The following CLDN7 variants were observed in gnomAD, a reference collection of about 807,000 sequenced individuals.
CLDN7 encodes claudin 7.
CLDN7 carries 15 observed loss-of-function variants against 20.3 expected under a neutral mutation model. That is an observed-to-expected ratio of 0.74 (90% confidence interval 0.49 to 1.14). The LOEUF (loss-of-function observed/expected upper bound fraction) is 1.14, where lower values mean the gene tolerates loss of function less well. CLDN7 is among the 50% of genes most tolerant of loss of function. CLDN7 has a pLI of 0.00. For synonymous variants in CLDN7, 117 were observed against 106.1 expected, an observed-to-expected ratio of 1.10 and a Z score of -0.63; for missense variants, 261 against 274.2, an observed-to-expected ratio of 0.95 and a Z score of 0.34.
rs761455420 is a variant in CLDN7 at position 7,260,892 on chromosome 17, C to A, written c.317G>T (p.Arg106Leu). Residue 106 changes from arginine to leucine, a missense_variant, in exon 2 of 4, where the codon CGC becomes CTC. Physicochemically the swap from Arg to Leu is moderately radical, Grantham distance 102. Around this residue, in one of 2 missense-constraint regions of CLDN7, gnomAD observed 215 missense variants for 199.6 expected, o/e 1.08. Transcript: ENST00000360325. ...FVATMGMKCT[R>L]CGGDDKVKKA... ...CTTCACTTTGTCGTCTCCCCCACAG[C>A]GCGTGCACTTCATGCCCATCGTGGC... is the stretch of plus-strand genomic sequence containing the variant. 8.7e-6 allele frequency: 14 copies of A among 1,614,106 alleles called. No homozygotes were observed. The highest frequency in any genetic ancestry group is 1.2e-5 in the Non-Finnish European group (14 of 1,180,046).
At chr17:7,261,763 GCGCCACCC>G (rs1003509778) in intron 1 of CLDN7, 50 bp downstream of exon 1, 11 of 1,548,794 alleles carry the variant, frequency 7.1e-6, no homozygotes, top group Non-Finnish European at 7.9e-6. Context: ...TCTCCCACGC[GCGCCACCC>G]CGCCACCTCG....
Position 7,262,461 on chromosome 17 carries a change from G to A in CLDN7, c.-418C>T. On this transcript the variant is annotated 5_prime_UTR_variant, in exon 1 of 4. Transcript: ENST00000360325. This position sits in a 1 kb window ranked among gnomAD's most constrained non-coding sequence, Gnocchi z 6.6. Reference sequence around the variant, plus strand: ...TGCGCAGCAGAGGTGGCTCGGAGGTGAGCCAGCAGGTGCGGGCGGACAGGT... The same window carrying A: ...TGCGCAGCAGAGGTGGCTCGGAGGTAAGCCAGCAGGTGCGGGCGGACAGGT... 1 of 996,716 alleles carries A rather than the reference G, an allele frequency of 1.0e-6. No homozygotes were observed. The highest frequency in any genetic ancestry group is 1.2e-6 in the Non-Finnish European group (1 of 828,826). The allele number at this position is 996,716 out of a possible 1,614,324, so 61.7% of individuals were successfully genotyped here. A position where few individuals can be genotyped will look rare whatever the true frequency, so the allele number is the denominator to read the frequency against.
Position 7,261,855 on chromosome 17 carries a change from G to A in CLDN7, c.189C>T (p.Ser63=), listed in dbSNP as rs1466522162. ...DCVTQSTGMM[S]CKMYDSVLAL... is the part of the protein sequence containing the mutation. ...CGAGCACCGAGTCGTACATTTTGCA[G>A]CTCATCATCCCCGTGCTCTGCGTGA... Residue 63 remains serine (S), a synonymous_variant, in exon 1 of 4, where the codon AGC becomes AGT. Coordinates refer to ENST00000360325, the MANE Select transcript of CLDN7 (RefSeq NM_001307.6). 5 of 1,613,886 alleles carry A rather than the reference G, an allele frequency of 3.1e-6. No individual in the cohort carries two copies. The highest frequency in any genetic ancestry group is 4.5e-5 in the East Asian group (2 of 44,892).
rs569618349 is a variant in CLDN7, at chr17:7,261,864, C to T, written c.180G>A (p.Gly60=). The T allele has an allele frequency of 1.8e-4, 295 of 1,614,126 alleles. 6 individuals carry two copies. The South Asian group carries it at 3.1e-3, about 17-fold the overall frequency. The part of the protein sequence containing the change: ...LWMDCVTQST[G]MMSCKMYDSV... Reference sequence around the variant, plus strand: ...AGTCGTACATTTTGCAGCTCATCATCCCCGTGCTCTGCGTGACGCAGTCCA... The same window carrying T: ...AGTCGTACATTTTGCAGCTCATCATTCCCGTGCTCTGCGTGACGCAGTCCA... Residue 60 remains glycine, a synonymous_variant, in exon 1 of 4, where the codon GGG becomes GGA. Transcript: ENST00000360325.
rs1358832628 is a variant in CLDN7 at position 7,260,153 on chromosome 17, T to G, written c.*221A>C. 3.3e-5 allele frequency: 15 copies of G among 450,774 alleles called. No individual in the cohort carries two copies. The highest frequency in any genetic ancestry group is 5.8e-5 in the Non-Finnish European group (15 of 256,950). 27.9% of individuals were successfully genotyped at this position (450,774 alleles called of 1,614,324 possible). ...AAAAAGCCTGCTTCCCAATACTTAT[T>G]TTTTATTACTGTACAAAAAGCACAC... On this transcript the variant is annotated 3_prime_UTR_variant, in exon 4 of 4. Coordinates refer to ENST00000360325, the MANE Select transcript of CLDN7 (RefSeq NM_001307.6).
At chr17:7,261,186 C>A in intron 1 of CLDN7, 4 of 668,310 alleles carry the variant, frequency 6.0e-6, no homozygotes, top group Non-Finnish European at 9.9e-6. Context: ...CTTCCTGCTC[C>A]CGCCCCGCCC....
chr17:7,261,896 GC>G lies in CLDN7; in HGVS notation c.147del (p.Leu50CysfsTer12). ...NIITAQAMYK[G>X]LWMDCVTQST... ...CTCTGCGTGACGCAGTCCATCCACA[GC>G]CCCTTGTACATGGCCTGGGCCGTGA... On this transcript the variant is annotated frameshift_variant, in exon 1 of 4. Transcript: ENST00000360325. LOFTEE classifies it high-confidence loss of function. The G allele has an allele frequency of 6.2e-7, 1 of 1,614,172 alleles. No individual in the cohort carries two copies. The highest frequency in any genetic ancestry group is 8.5e-7 in the Non-Finnish European group (1 of 1,180,052).
rs754006543 is a variant in CLDN7, at chr17:7,260,857, T to C, written c.352A>G (p.Ile118Val). 1.9e-6 allele frequency: 3 copies of C among 1,614,274 alleles called. No homozygotes were observed. The highest frequency in any genetic ancestry group is 1.7e-5 in the Admixed American group (1 of 60,036). ...AAAATTATGCCTCCACCCATGGCTA[T>C]ACGGGCCTTCTTCACTTTGTCGTCT... ...GGDDKVKKARIAMGGGIIFIV... is the reference protein window; with the variant it reads ...GGDDKVKKARVAMGGGIIFIV... Residue 118 changes from isoleucine (I) to valine (V), a missense_variant, in exon 2 of 4, where the codon ATA (isoleucine) becomes GTA (valine). Ile to Val is a conservative substitution (Grantham distance 29). This residue lies in a region of CLDN7 where 215 missense variants were observed against 199.6 expected (regional missense o/e 1.08). Transcript: ENST00000360325.
rs778866641 is a variant in CLDN7 at position 7,262,053 on chromosome 17, C to G, written c.-10G>C. 5 of 1,594,352 alleles carry G rather than the reference C, an allele frequency of 3.1e-6. No homozygotes were observed. The highest frequency in any genetic ancestry group is 4.3e-6 in the Non-Finnish European group (5 of 1,173,202). ...GGCCCGAATTGGCCATTTCCGCCCT[C>G]AGAAAACACTGGGGGCGCCGGGCGG... On this transcript the variant is annotated 5_prime_UTR_variant, in exon 1 of 4. Transcript: ENST00000360325. The surrounding 1 kb of genome is among the most constrained non-coding windows in gnomAD (Gnocchi z 6.6).
At position 7,262,101 on chromosome 17, in the gene CLDN7, C is replaced by T; in HGVS notation, c.-58G>A. The T allele has an allele frequency of 3.2e-6, 5 of 1,547,058 alleles. No individual in the cohort carries two copies. Among genetic ancestry groups the T allele is most frequent in the Non-Finnish European group, 3.5e-6 (4 of 1,145,028 alleles). ...CGGGGAGACCCTACAGTAAAACAAA[C>T]GACACTTGGGGGGCAGCCCCACAAA... is the stretch of plus-strand genomic sequence containing the variant. On this transcript the variant is annotated 5_prime_UTR_variant, in exon 1 of 4. Transcript: ENST00000360325. This position sits in a 1 kb window ranked among gnomAD's most constrained non-coding sequence, Gnocchi z 6.6.
intron 3 of CLDN7, 38 bp from the exon 4 acceptor site, chr17:7,260,574 C>T: frequency 1.2e-6 from 2 of 1,612,466 alleles, no homozygotes; most frequent in South Asian, 1.1e-5. Flanking sequence ...CCCTGGCGTG[C>T]CTCTGCCCTC....
Position 7,260,086 on chromosome 17 carries a change from T to C in CLDN7, c.*288A>G. 2.9e-6 allele frequency: 1 copy of C among 339,298 alleles called. No homozygotes were observed. Among genetic ancestry groups the C allele is most frequent in the Admixed American group, 4.4e-5 (1 of 22,536 alleles). 21.0% of individuals were successfully genotyped at this position (339,298 alleles called of 1,614,324 possible). ...AGGTGCACTAAGGTTCCAAGCTCCC[T>C]GCAAGGATCTGGACGGGAGGAAAGC... is the stretch of plus-strand genomic sequence containing the variant. On this transcript the variant is annotated 3_prime_UTR_variant, in exon 4 of 4. Transcript: ENST00000360325.
At chr17:7,261,127 C>G (rs2072207224) in intron 1 of CLDN7, 142 bp from the exon 2 acceptor site, 3 of 1,173,068 alleles carry the variant, frequency 2.6e-6, no homozygotes, top group South Asian at 1.6e-5. Context: ...CCCAGGTGTC[C>G]AAGACCTGGG....
upstream of CLDN7, chr17:7,262,516 G>T: frequency 1.6e-6 from 1 of 625,154 alleles, no homozygotes; most frequent in Non-Finnish European, 2.0e-6. The surrounding 1 kb of genome is among the most constrained non-coding windows in gnomAD (Gnocchi z 6.6). Context: ...GTAGGGCGTC[G>T]GGGGCGCGGC....
In CLDN7 at chr17:7,261,773, G is replaced by A. The variant is rs766692346; in HGVS notation, c.223+48C>T. 7.3e-6 allele frequency: 11 copies of A among 1,508,282 alleles called. No individual in the cohort carries two copies. In the Middle Eastern group the frequency reaches 2.0e-3, roughly 269 times the overall value. The allele number at this position is 1,508,282 out of a possible 1,614,324, so 93.4% of individuals were successfully genotyped here. A position where few individuals can be genotyped will look rare whatever the true frequency, so the allele number is the denominator to read the frequency against. Reference sequence around the variant, plus strand: ...TCGGCTCTCCCACGCGCGCCACCCCGCCACCTCGGTCAAGGGCGCGTCCGC... The same window carrying A: ...TCGGCTCTCCCACGCGCGCCACCCCACCACCTCGGTCAAGGGCGCGTCCGC... On this transcript the variant is annotated intron_variant, in intron 1 of 3. Coordinates refer to ENST00000360325, the MANE Select transcript of CLDN7 (RefSeq NM_001307.6).
Position 7,261,840 on chromosome 17 carries a change from G to A in CLDN7, c.204C>T (p.Asp68=). The part of the protein sequence containing the change: ...STGMMSCKMY[D]SVLALSAALQ... ...CCTTACCGGACAGGGCGAGCACCGA[G>A]TCGTACATTTTGCAGCTCATCATCC... is the stretch of plus-strand genomic sequence containing the variant. Residue 68 remains aspartate, a synonymous_variant, in exon 1 of 4, where the codon GAC becomes GAT. Transcript: ENST00000360325. 6.2e-7 allele frequency: 1 copy of A among 1,613,580 alleles called. No homozygotes were observed. Among genetic ancestry groups the A allele is most frequent in the Non-Finnish European group, 8.5e-7 (1 of 1,180,040 alleles).
chr17:7,262,074 G>C lies in CLDN7; in HGVS notation c.-31C>G. The C allele has an allele frequency of 6.6e-7, 1 of 1,525,192 alleles. No individual in the cohort carries two copies. The highest frequency in any genetic ancestry group is 1.2e-5 in the South Asian group (1 of 85,908). The allele number at this position is 1,525,192 out of a possible 1,614,324, so 94.5% of individuals were successfully genotyped here. A position where few individuals can be genotyped will look rare whatever the true frequency, so the allele number is the denominator to read the frequency against. ...CCCTCAGAAAACACTGGGGGCGCCGGGCGGGGAGACCCTACAGTAAAACAA... is the reference window on the plus strand; with the variant it reads ...CCCTCAGAAAACACTGGGGGCGCCGCGCGGGGAGACCCTACAGTAAAACAA... On this transcript the variant is annotated 5_prime_UTR_variant, in exon 1 of 4. Transcript: ENST00000360325. The surrounding 1 kb of genome is among the most constrained non-coding windows in gnomAD (Gnocchi z 6.6).
At position 7,260,801 on chromosome 17, in the gene CLDN7, G is replaced by A. The variant is rs145889982; in HGVS notation, c.388+20C>T. On this transcript the variant is annotated intron_variant, in intron 2 of 3. Coordinates refer to ENST00000360325, the MANE Select transcript of CLDN7 (RefSeq NM_001307.6). ...TTGCCCAGCCTTGCTCCTCCCAGAT[G>A]GGAGAACCCGGGGGCTCACCTGCCA... The A allele has an allele frequency of 4.8e-4, 775 of 1,614,216 alleles. 4 individuals are homozygous for A. The African/African-American group carries it at 8.9e-3, about 19-fold the overall frequency.
chr17:7,260,054 C>T lies in CLDN7; in HGVS notation c.*320G>A. The stretch of plus-strand genomic sequence containing the variant: ...TCAGTGGGGTGCTAAGTGTTCTGAA[C>T]TGAAGTAGGTGCACTAAGGTTCCAA... On this transcript the variant is annotated 3_prime_UTR_variant, in exon 4 of 4. Transcript: ENST00000360325. The T allele has an allele frequency of 3.0e-6, 1 of 330,308 alleles. No homozygotes were observed. Among genetic ancestry groups the T allele is most frequent in the Non-Finnish European group, 5.5e-6 (1 of 180,824 alleles). The allele number at this position is 330,308 out of a possible 1,614,324, so 20.5% of individuals were successfully genotyped here.
Sources: gnomAD v4.1 joint callset for allele counts on GRCh38, gnomAD v4.1.1 for gene constraint, gnomAD v4.1.1 regional missense constraint, Gnocchi (gnomAD v3.1) non-coding constraint, MANE v1.5 for transcripts, NCBI Gene and HGNC (gene_info 2026-07-23, HGNC 2026-07-21) for gene names.